Variants in POTEC observed in about 807,000 individuals in gnomAD.
POTEC encodes ANKRD26-like family B member 2.
POTEC carries 35 observed loss-of-function variants against 62.0 expected under a neutral mutation model. The ratio of observed to expected loss-of-function variants is 0.56; its 90% CI spans 0.43 to 0.75. POTEC has a LOEUF of 0.75. Among genes scored for constraint, POTEC ranks in the 30% least tolerant of loss-of-function variants. POTEC has a pLI of 0.00. For synonymous variants in POTEC, 156 were observed against 221.5 expected (o/e 0.70, Z 2.62); for missense variants, 472 against 655.9 (o/e 0.72, Z 3.06).
At position 14,511,947 on chromosome 18, in the gene POTEC, C is replaced by T. The variant is rs752812071; in HGVS notation, c.1580G>A (p.Ser527Asn). The change falls in exon 11 of 11, where the codon AGC becomes AAC. Residue 527 changes from serine to asparagine, a missense_variant. By Grantham distance (46) the Ser-to-Asn change is conservative. This residue lies in a region of POTEC where 67 missense variants were observed against 58.3 expected (regional missense o/e 1.15). Transcript: ENST00000358970. ...KKEEDLLREN[S>N]MLQEEIAMLI... is the part of the protein sequence containing the mutation. ...CATGGCAATTTCTTCCTGCAACATG[C>T]TGTTTTCACGCAAGAGATCTTCTTC... 5.0e-6 allele frequency: 8 copies of T among 1,613,808 alleles called. No individual in the cohort carries two copies. In the Admixed American group the frequency reaches 1.2e-4, roughly 24 times the overall value.
intron 9 of POTEC, among the ~76,000 whole-genome samples, chr18:14,519,109 A>G (rs1910243591): frequency 6.6e-6 from 1 of 152,138 alleles, no homozygotes; most frequent in African/African-American, 2.4e-5. Flanking sequence ...CTTCAGGTAG[A>G]CCTGACAAGA....
intron 6 of POTEC, among the ~76,000 whole-genome samples, chr18:14,525,367 C>T (rs1910409410): frequency 6.6e-6 from 1 of 152,082 alleles, no homozygotes; most frequent in African/African-American, 2.4e-5. Context: ...TACTCTGACT[C>T]TAAGGATAGT....
chr18:14,530,908 A>C (rs1905488294), intron 5 of POTEC, among the ~76,000 whole-genome samples: 1 of 152,166 alleles, frequency 6.6e-6, no homozygotes, highest in Admixed American at 6.5e-5. Flanking sequence ...CTTCTTCTAC[A>C]AAGTGAGGAC....
intron 9 of POTEC, among the ~76,000 whole-genome samples, chr18:14,518,137 T>C (rs1219503612): frequency 1.3e-5 from 2 of 152,152 alleles, no homozygotes; most frequent in Non-Finnish European, 2.9e-5. Context: ...ATAAACTCCA[T>C]TCACTCATTT....
chr18:14,528,918 T>G, intron 6 of POTEC: 1 of 454,288 alleles, frequency 2.2e-6, no homozygotes. Context: ...CAAGGTTCAC[T>G]CAGCATCTTG....
rs1032961237 is a variant in POTEC at position 14,509,250 on chromosome 18, A to T, written c.*2648T>A. On this transcript the variant is annotated 3_prime_UTR_variant, in exon 11 of 11. Transcript: ENST00000358970. ...CTGACTGTGTGTGCTGTTGCACTGG[A>T]GGTAGTGCTGGTTTGGGGTGGGTGG... 3.3e-4 allele frequency: 50 copies of T among 152,428 alleles called. No individual in the cohort carries two copies. Among genetic ancestry groups the T allele is most frequent in the African/African-American group, 1.2e-3 (50 of 41,554 alleles). The allele number at this position is 152,428 out of a possible 1,614,324, so 9.4% of individuals were successfully genotyped here. A position where few individuals can be genotyped will look rare whatever the true frequency, so the allele number is the denominator to read the frequency against.
intron 9 of POTEC, among the ~76,000 whole-genome samples, chr18:14,515,641 AAAAT>A (rs1050729195): frequency 7.0e-5 from 6 of 85,704 alleles, no homozygotes; most frequent in African/African-American, 1.5e-4. Context: ...AACAAAAATA[AAAAT>A]AAATAAACAA....
intron 6 of POTEC, among the ~76,000 whole-genome samples, chr18:14,529,683 G>A (rs1172348885): frequency 6.6e-6 from 1 of 152,140 alleles, no homozygotes; most frequent in East Asian, 1.9e-4. Context: ...GTAAATGGTA[G>A]CAGAGCATCT....
At chr18:14,539,664 G>A (rs1905867733) in intron 1 of POTEC, among the ~76,000 whole-genome samples, 1 of 151,264 alleles carries the variant, frequency 6.6e-6, no homozygotes, top group Non-Finnish European at 1.5e-5. Context: ...CCACATTTAA[G>A]TTCTTAAAAC....
At chr18:14,522,641 T>C (rs1433501427) in intron 8 of POTEC, among the ~76,000 whole-genome samples, 1 of 152,166 alleles carries the variant, frequency 6.6e-6, no homozygotes, top group East Asian at 1.9e-4. Context: ...GTCTTCTTGA[T>C]TGCTGTTTGA....
In POTEC at chr18:14,510,742, T is replaced by C. The variant is rs999725525; in HGVS notation, c.*1156A>G. On this transcript the variant is annotated 3_prime_UTR_variant, in exon 11 of 11. Transcript: ENST00000358970. ...GTAAGGAGGAACAGGAATAGGGACT[T>C]GTTTAAAAAAGAAGTCTGGCCACGT... 1.4e-4 allele frequency: 21 copies of C among 152,130 alleles called. No individual in the cohort carries two copies. Among genetic ancestry groups the C allele is most frequent in the African/African-American group, 5.1e-4 (21 of 41,416 alleles). 9.4% of individuals were successfully genotyped at this position (152,130 alleles called of 1,614,324 possible).
intron 3 of POTEC, among the ~76,000 whole-genome samples, chr18:14,537,172 A>AACACACACACACACACACAC (rs1158054861): frequency 3.1e-5 from 2 of 64,750 alleles, no homozygotes; most frequent in African/African-American, 5.9e-5. Flanking sequence ...CAACAATAAC[A>AACACACACACACACACACAC]ACACACACAC....
rs1910079486 is a variant in POTEC at position 14,513,864 on chromosome 18, G to A, written c.1410-79C>T. Reference sequence around the variant, plus strand: ...ACAGGGCAAGATGGCACCATCAGATGTCATTCACACAATGCATATCTGCAC... The same window carrying A: ...ACAGGGCAAGATGGCACCATCAGATATCATTCACACAATGCATATCTGCAC... On this transcript the variant is annotated intron_variant, in intron 9 of 10. Transcript: ENST00000358970. 3.8e-6 allele frequency: 6 copies of A among 1,595,550 alleles called. No homozygotes were observed. The South Asian group carries it at 6.8e-5, about 18-fold the overall frequency.
At chr18:14,530,586 A>G (rs569451626) in intron 5 of POTEC, 33 bp from the exon 6 acceptor site, 3 of 1,417,718 alleles carry the variant, frequency 2.1e-6, no homozygotes, top group East Asian at 2.6e-5. Context: ...CCAAATTACT[A>G]TTTTAATACT....
In POTEC at chr18:14,514,328, C is replaced by T. The variant is rs562245412; in HGVS notation, c.1410-543G>A. On this transcript the variant is annotated intron_variant, in intron 9 of 10. Transcript: ENST00000358970. ...GGAGCTCAGAAGGTAATGTGAGTGA[C>T]AGAGAGTGGCTGTAAACAGATGAAG... Among the ~76,000 whole-genome samples, 862 of 151,788 alleles carry T rather than the reference C, an allele frequency of 5.7e-3. 7 individuals carry two copies. The highest frequency in any genetic ancestry group is 0.046 in the South Asian group (223 of 4,802).
chr18:14,531,800 CAT>C (rs1457977096), intron 5 of POTEC: 2 of 151,906 alleles, frequency 1.3e-5, no homozygotes, highest in Non-Finnish European at 2.9e-5. Context: ...TACTTTTACA[CAT>C]GATTTGTGAT....
intron 1 of POTEC, among the ~76,000 whole-genome samples, chr18:14,540,772 T>C (rs1285338261): frequency 1.3e-5 from 2 of 152,244 alleles, no homozygotes; most frequent in Non-Finnish European, 2.9e-5. Context: ...AAGTGTCTAT[T>C]TGAAAAGTCG....
At chr18:14,530,456 A>G in intron 6 of POTEC, 27 bp downstream of exon 6, 1 of 1,602,324 alleles carries the variant, frequency 6.2e-7, no homozygotes, top group Non-Finnish European at 8.5e-7. Context: ...CAACTGACCT[A>G]AAGTAATTCA....
intron 10 of POTEC, 124 bp downstream of exon 10, chr18:14,513,538 C>A (rs867522099): frequency 9.2e-7 from 1 of 1,085,168 alleles, no homozygotes; most frequent in Non-Finnish European, 1.2e-6. Context: ...TACATATATA[C>A]ACACACACAC....
Sources: gnomAD v4.1 joint callset for allele counts (sites outside exome capture counted in the v4.1 genomes callset) on GRCh38, gnomAD v4.1.1 for gene constraint, gnomAD v4.1.1 regional missense constraint, MANE v1.5 for transcripts, NCBI Gene and HGNC (gene_info 2026-07-23, HGNC 2026-07-21) for gene names.